Variants in SALL2 observed in about 807,000 individuals in gnomAD.
SALL2 encodes the protein sal-like protein 2.
Under a neutral mutation model 58.5 loss-of-function variants are expected in SALL2, and 32 were observed. The observed-to-expected ratio is 0.55, with a 90% CI of 0.41 to 0.74. SALL2 has a LOEUF of 0.74. SALL2 is among the 30% of genes least tolerant of loss of function. The probability of loss-of-function intolerance (pLI) is 0.00; values close to 1 mark genes in which losing one functional copy is unlikely to be tolerated. For synonymous variants in SALL2, 516 were observed against 513.6 expected (o/e 1.00, Z -0.06); for missense variants, 1,201 against 1,268.9 (o/e 0.95, Z 0.81).
Position 21,523,195 on chromosome 14 carries a change from T to C in SALL2, c.2527A>G (p.Ser843Gly). The change falls in exon 2 of 2, where the codon AGC (serine) becomes GGC (glycine). Residue 843 changes from serine (S) to glycine (G), a missense_variant. This residue lies in a region of SALL2 where 675 missense variants were observed against 683.8 expected (regional missense o/e 0.99). Transcript: ENST00000537235. This position sits in a 1 kb window ranked among gnomAD's most constrained non-coding sequence, Gnocchi z 4.4. Reference sequence around the variant, plus strand: ...TCCATTGGCTGAGGCTGATCCAGGCTGTCAGGTGGTGGTGGTGGTGGCAAA... The same window carrying C: ...TCCATTGGCTGAGGCTGATCCAGGCCGTCAGGTGGTGGTGGTGGTGGCAAA... ...SSLPPPPPPD[S>G]LDQPQPMEQG... 6.2e-7 allele frequency: 1 copy of C among 1,614,196 alleles called. No homozygotes were observed. Among genetic ancestry groups the C allele is most frequent in the Non-Finnish European group, 8.5e-7 (1 of 1,180,040 alleles).
intron 1 of SALL2, chr14:21,536,859 C>G: frequency 6.2e-7 from 1 of 1,614,094 alleles, no homozygotes; most frequent in South Asian, 1.1e-5. Context: ...CGTTCTCAGA[C>G]GCGCTGGGAC....
At chr14:21,529,642 GA>G (rs11355061), upstream of SALL2, among the ~76,000 whole-genome samples, 4,677 of 146,438 alleles carry the variant, frequency 0.032, 263 homozygotes, top group African/African-American at 0.11. Context: ...AAAAAAAGAA[GA>G]AAAAAAAAAG....
rs1892236979 is a variant in SALL2, at chr14:21,525,154, G to A, written c.568C>T (p.Arg190Trp). Reference sequence around the variant, plus strand: ...GTCATCTGCATCTGATGGATCTGCCGCTGCTGCAGCACCCGTAGCTCTTCC... The same window carrying A: ...GTCATCTGCATCTGATGGATCTGCCACTGCTGCAGCACCCGTAGCTCTTCC... ...ILEELRVLQQ[R>W]QIHQMQMTEQ... is the part of the protein sequence containing the mutation. Residue 190 changes from arginine to tryptophan, a missense_variant, in exon 2 of 2, where the codon CGG becomes TGG. Arg to Trp is a moderately radical substitution (Grantham distance 101). Coordinates refer to ENST00000537235, the MANE Select transcript of SALL2 (RefSeq NM_001364564.1). The surrounding 1 kb of genome is among the most constrained non-coding windows in gnomAD (Gnocchi z 4.4). 6.2e-7 allele frequency: 1 copy of A among 1,613,916 alleles called. No individual in the cohort carries two copies. Among genetic ancestry groups the A allele is most frequent in the Non-Finnish European group, 8.5e-7 (1 of 1,179,968 alleles).
intron 1 of SALL2, among the ~76,000 whole-genome samples, chr14:21,535,189 C>CA (rs573325073): frequency 1.7e-4 from 26 of 151,716 alleles, no homozygotes; most frequent in South Asian, 1.5e-3. Context: ...ACTAAAAATA[C>CA]AAAAAATTAG....
chr14:21,523,280 C>T lies in SALL2; in HGVS notation c.2442G>A (p.Ala814=), dbSNP rs537059654. The change falls in exon 2 of 2, where the codon GCG becomes GCA. Residue 814 remains alanine (A), a synonymous_variant. Transcript: ENST00000537235. This position sits in a 1 kb window ranked among gnomAD's most constrained non-coding sequence, Gnocchi z 4.4. The stretch of plus-strand genomic sequence containing the variant: ...TCTCCTTCCCAGCTGTGGCTGCTGC[C>T]GCCACTGTCCCCACCTCCTCCTCTG... ...SGAEEEVGTV[A]AAATAGKEMD... 4.3e-5 allele frequency: 69 copies of T among 1,613,642 alleles called. No individual in the cohort carries two copies. Among genetic ancestry groups the T allele is most frequent in the South Asian group, 3.4e-4 (31 of 91,082 alleles).
intron 1 of SALL2, chr14:21,536,778 C>CCCT: frequency 7.6e-7 from 1 of 1,307,822 alleles, no homozygotes; most frequent in Admixed American, 1.8e-5. Context: ...GGCCCGAGTG[C>CCCT]CCTCCCCTTG....
intron 1 of SALL2, among the ~76,000 whole-genome samples, chr14:21,535,141 C>T (rs753462324): frequency 9.2e-5 from 14 of 151,884 alleles, no homozygotes; most frequent in Non-Finnish European, 4.4e-5. Context: ...ATCAGGAGAT[C>T]CAGAGCATCC....
At chr14:21,536,933 G>C (rs1167704238) in intron 1 of SALL2, 9 of 1,613,222 alleles carry the variant, frequency 5.6e-6, no homozygotes, top group Non-Finnish European at 7.6e-6. Context: ...CCCGGGTAGA[G>C]AGTTGGGAGA....
At position 21,524,492 on chromosome 14, in the gene SALL2, G is replaced by A. The variant is rs1566510134; in HGVS notation, c.1230C>T (p.Thr410=). The change falls in exon 2 of 2, where the codon ACC becomes ACT. Residue 410 remains threonine, a synonymous_variant. Coordinates refer to ENST00000537235, the MANE Select transcript of SALL2 (RefSeq NM_001364564.1). ...KCNVCGNRFT[T]RGNLKVHFHR... ...GGAAATGCACTTTGAGGTTGCCACG[G>A]GTGGTAAAACGGTTTCCACAGACAT... 6.2e-7 allele frequency: 1 copy of A among 1,614,240 alleles called. No individual in the cohort carries two copies.
At position 21,522,328 on chromosome 14, in the gene SALL2, G is replaced by T; in HGVS notation, c.*376C>A. 6.8e-7 allele frequency: 1 copy of T among 1,468,118 alleles called. No individual in the cohort carries two copies. Among genetic ancestry groups the T allele is most frequent in the Non-Finnish European group, 9.0e-7 (1 of 1,111,332 alleles). The allele number at this position is 1,468,118 out of a possible 1,614,324, so 90.9% of individuals were successfully genotyped here. On this transcript the variant is annotated 3_prime_UTR_variant, in exon 2 of 2. Transcript: ENST00000537235. ...GGCACTGGGCCCTCCAGAGACAGCT[G>T]CCAGCCCTTTTTGGCTAGGCTGCAA... is the stretch of plus-strand genomic sequence containing the variant.
chr14:21,535,261 C>T (rs1014717933), intron 1 of SALL2, among the ~76,000 whole-genome samples: 14 of 150,582 alleles, frequency 9.3e-5, no homozygotes, highest in African/African-American at 3.2e-4. Flanking sequence ...AGGAGAATGG[C>T]GTGAACCTGG....
intron 1 of SALL2, among the ~76,000 whole-genome samples, chr14:21,534,996 C>T (rs73581460): frequency 0.021 from 3,225 of 152,218 alleles, 121 homozygotes; most frequent in African/African-American, 0.073. Flanking sequence ...GTTTAATCTA[C>T]AATTTTAGTC....
rs765899650 is a variant in SALL2, at chr14:21,523,839, G to T, written c.1883C>A (p.Pro628His). ...PAPSSSASSG[P>H]NQCVICLRVL... ...TCGGAGACAGATGACACACTGGTTA[G>T]GTCCAGAAGAGGCTGAGGATGAAGG... Residue 628 changes from proline (P) to histidine (H), a missense_variant, in exon 2 of 2, where the codon CCT (proline) becomes CAT (histidine). Transcript: ENST00000537235. This position sits in a 1 kb window ranked among gnomAD's most constrained non-coding sequence, Gnocchi z 4.4. 5.6e-6 allele frequency: 9 copies of T among 1,614,230 alleles called. No individual in the cohort carries two copies. Among genetic ancestry groups the T allele is most frequent in the Admixed American group, 1.7e-5 (1 of 60,032 alleles).
In SALL2 at chr14:21,525,626, T is replaced by C. The variant is rs1483920707; in HGVS notation, c.96A>G (p.Gln32=). Reference sequence around the variant, plus strand: ...ATTGTGCGCAGCACTTGGCACAGACTTGGGGGTGATCCTCCTCGCTAGCAT... The same window carrying C: ...ATTGTGCGCAGCACTTGGCACAGACCTGGGGGTGATCCTCCTCGCTAGCAT... ...GGDASEEDHP[Q]VCAKCCAQFT... The change falls in exon 2 of 2, where the codon CAA becomes CAG. Residue 32 remains glutamine, a synonymous_variant. Transcript: ENST00000537235. This position sits in a 1 kb window ranked among gnomAD's most constrained non-coding sequence, Gnocchi z 4.4. 1.3e-6 allele frequency: 2 copies of C among 1,591,554 alleles called. No homozygotes were observed. Among genetic ancestry groups the C allele is most frequent in the Non-Finnish European group, 1.7e-6 (2 of 1,167,046 alleles).
chr14:21,536,492 A>T (rs1251617603), intron 1 of SALL2, among the ~76,000 whole-genome samples: 30 of 152,166 alleles, frequency 2.0e-4, no homozygotes, highest in Admixed American at 2.0e-3. Flanking sequence ...GGAAAATCCC[A>T]CCCCGAAGAG....
chr14:21,524,869 A>G lies in SALL2; in HGVS notation c.853T>C (p.Phe285Leu), dbSNP rs1260334505. The G allele has an allele frequency of 6.2e-7, 1 of 1,614,096 alleles. No individual in the cohort carries two copies. Among genetic ancestry groups the G allele is most frequent in the Admixed American group, 1.7e-5 (1 of 60,020 alleles). Residue 285 changes from phenylalanine to leucine, a missense_variant, in exon 2 of 2, where the codon TTC (phenylalanine) becomes CTC (leucine). Physicochemically the swap from Phe to Leu is conservative, Grantham distance 22. This residue lies in a region of SALL2 where 467 missense variants were observed against 468.9 expected (regional missense o/e 1.00). Transcript: ENST00000537235. ...CTTCGCCCAACCCCTCCAGCAGAGAAAGGATGCTGTGACCCCAGTGGGTGG... is the reference window on the plus strand; with the variant it reads ...CTTCGCCCAACCCCTCCAGCAGAGAGAGGATGCTGTGACCCCAGTGGGTGG... ...LYHPLGSQHP[F>L]SAGGVGRSHK...
At chr14:21,532,787 C>A (rs1374301993) in intron 1 of SALL2, among the ~76,000 whole-genome samples, 1 of 151,372 alleles carries the variant, frequency 6.6e-6, no homozygotes, top group Non-Finnish European at 1.5e-5. Flanking sequence ...CACAGTGAAA[C>A]CCTGTCTCTA....
chr14:21,530,886 A>T (rs1892444540), upstream of SALL2, among the ~76,000 whole-genome samples: 1 of 152,252 alleles, frequency 6.6e-6, no homozygotes, highest in Non-Finnish European at 1.5e-5. Flanking sequence ...TGCTGAGAGT[A>T]CAGATGTAAG....
chr14:21,534,977 G>A (rs1418305792), intron 1 of SALL2, among the ~76,000 whole-genome samples: 1 of 152,152 alleles, frequency 6.6e-6, no homozygotes, highest in Admixed American at 6.6e-5. Flanking sequence ...TTAACAGGTG[G>A]AAAGGCAAGT....
Sources: allele counts gnomAD v4.1 joint callset (sites outside exome capture counted in the v4.1 genomes callset), GRCh38; gene constraint gnomAD v4.1.1; regional missense constraint gnomAD v4.1.1; non-coding constraint Gnocchi (gnomAD v3.1); transcripts MANE v1.5; gene names NCBI Gene and HGNC (gene_info 2026-07-23, HGNC 2026-07-21).